Variants in EHMT1 observed in about 807,000 individuals in gnomAD.
EHMT1 encodes euchromatic histone lysine methyltransferase 1.
A neutral mutation model predicts 147.2 loss-of-function variants in EHMT1; 15 were observed. The observed-to-expected ratio is 0.10, with a 90% CI of 0.07 to 0.16. EHMT1 has a LOEUF of 0.16. Ranked by LOEUF, EHMT1 falls within the 10% of genes least tolerant of loss-of-function variation. EHMT1 has a pLI of 1.00. For synonymous variants in EHMT1, 795 were observed against 709.6 expected, an observed-to-expected ratio of 1.12 and a Z score of -1.91; for missense variants, 1,587 against 1,772.4, an observed-to-expected ratio of 0.90 and a Z score of 1.88.
chr9:137,702,806 A>G (rs1038258545), intron 1 of EHMT1, among the ~76,000 whole-genome samples: 1 of 152,184 alleles, frequency 6.6e-6, no homozygotes, highest in Admixed American at 6.5e-5. Flanking sequence ...CCCCTGCAGG[A>G]AGCTTCTGTC....
intron 1 of EHMT1, among the ~76,000 whole-genome samples, chr9:137,672,905 C>T (rs1216553077): frequency 1.3e-5 from 2 of 152,306 alleles, no homozygotes; most frequent in Non-Finnish European, 2.9e-5. Context: ...CTACCAGGAA[C>T]TTTACCGATT....
At chr9:137,690,439 T>A (rs1009178347) in intron 1 of EHMT1, among the ~76,000 whole-genome samples, 2 of 148,828 alleles carry the variant, frequency 1.3e-5, no homozygotes, top group Non-Finnish European at 3.0e-5. Context: ...AGCCCAGGAG[T>A]TCAAGACTGC....
intron 1 of EHMT1, among the ~76,000 whole-genome samples, chr9:137,655,417 A>G (rs887897172): frequency 6.6e-6 from 1 of 152,328 alleles, no homozygotes; most frequent in East Asian, 1.9e-4. Context: ...GTTACCCATG[A>G]AAGGACCCAG....
intron 1 of EHMT1, among the ~76,000 whole-genome samples, chr9:137,669,858 A>T (rs1940342229): frequency 6.6e-6 from 1 of 151,988 alleles, no homozygotes; most frequent in African/African-American, 2.4e-5. Flanking sequence ...TGGGCCAAAA[A>T]GATTTTTTTG....
At chr9:137,690,135 A>G (rs1219452255) in intron 1 of EHMT1, among the ~76,000 whole-genome samples, 1 of 152,136 alleles carries the variant, frequency 6.6e-6, no homozygotes, top group East Asian at 1.9e-4. Context: ...GAGAGATGAG[A>G]TGGCAGGCAG....
Position 137,815,981 on chromosome 9 carries a change from A to C in EHMT1, c.3293A>C (p.Glu1098Ala), listed in dbSNP as rs1423930933. Residue 1098 changes from glutamate to alanine, a missense_variant, in exon 23 of 27, where the codon GAG becomes GCG. By Grantham distance (107) the Glu-to-Ala change is moderately radical. This residue lies in a region of EHMT1 where 156 missense variants were observed against 252.5 expected (regional missense o/e 0.62). Coordinates refer to ENST00000460843, the MANE Select transcript of EHMT1 (RefSeq NM_024757.5). ...CTCCTGCCAGAGTTCAACATGGCGG[A>C]GCCTCCCTTGATCTTCGAATGCAAC... ...GRLLPEFNMA[E>A]PPLIFECNHA... 6.2e-7 allele frequency: 1 copy of C among 1,611,698 alleles called. No homozygotes were observed. Among genetic ancestry groups the C allele is most frequent in the Non-Finnish European group, 8.5e-7 (1 of 1,178,934 alleles).
chr9:137,798,053 C>G (rs1332105835), intron 16 of EHMT1, among the ~76,000 whole-genome samples: 1 of 152,188 alleles, frequency 6.6e-6, no homozygotes, highest in African/African-American at 2.4e-5. Context: ...TTGGTCTCCT[C>G]AGGGAAACAG....
At chr9:137,756,687 TA>T (rs1446197924) in intron 8 of EHMT1, among the ~76,000 whole-genome samples, 3 of 152,254 alleles carry the variant, frequency 2.0e-5, no homozygotes, top group African/African-American at 7.2e-5. Flanking sequence ...GAGCCAAGAC[TA>T]AAAGTTGTTT....
At chr9:137,803,274 G>C in intron 18 of EHMT1, 1 of 1,023,944 alleles carries the variant, frequency 9.8e-7, no homozygotes, top group Non-Finnish European at 1.2e-6. Context: ...GTACACACTT[G>C]GGTGAATTTT....
In EHMT1 at chr9:137,815,973, C is replaced by T. The variant is rs1300802060; in HGVS notation, c.3285C>T (p.Asn1095=). 1 of 1,610,740 alleles carries T rather than the reference C, an allele frequency of 6.2e-7. No homozygotes were observed. Among genetic ancestry groups the T allele is most frequent in the Non-Finnish European group, 8.5e-7 (1 of 1,178,556 alleles). Reference sequence around the variant, plus strand: ...ATGGCCGGCTCCTGCCAGAGTTCAACATGGCGGAGCCTCCCTTGATCTTCG... The same window carrying T: ...ATGGCCGGCTCCTGCCAGAGTTCAATATGGCGGAGCCTCCCTTGATCTTCG... ...DKDGRLLPEF[N]MAEPPLIFEC... Residue 1095 remains asparagine, a synonymous_variant, in exon 23 of 27, where the codon AAC becomes AAT. Transcript: ENST00000460843.
chr9:137,652,879 C>T (rs1254311371), intron 1 of EHMT1, among the ~76,000 whole-genome samples: 1 of 151,962 alleles, frequency 6.6e-6, no homozygotes, highest in African/African-American at 2.4e-5. Flanking sequence ...ACACCTGCCA[C>T]CACACCTGGC....
chr9:137,726,076 AG>A, intron 3 of EHMT1, among the ~76,000 whole-genome samples: 2 of 144,698 alleles, frequency 1.4e-5, no homozygotes, highest in South Asian at 4.4e-4. Flanking sequence ...TAGTTGATGC[AG>A]GTGCCTTGTC....
chr9:137,719,702 A>G (rs1390915714), intron 3 of EHMT1, among the ~76,000 whole-genome samples: 1 of 152,192 alleles, frequency 6.6e-6, no homozygotes, highest in Non-Finnish European at 1.5e-5. Flanking sequence ...GACATTGGTA[A>G]AGTCCGTGGG....
chr9:137,776,925 C>T lies in EHMT1; in HGVS notation c.2018+81C>T. 7.4e-7 allele frequency: 1 copy of T among 1,350,538 alleles called. No homozygotes were observed. The highest frequency in any genetic ancestry group is 1.0e-6 in the Non-Finnish European group (1 of 966,428). 83.7% of individuals were successfully genotyped at this position (1,350,538 alleles called of 1,614,324 possible). On this transcript the variant is annotated intron_variant, in intron 12 of 26. Transcript: ENST00000460843. This position sits in a 1 kb window ranked among gnomAD's most constrained non-coding sequence, Gnocchi z 4.4. ...GTTGTTAACTCAACGTTATTGCTTC[C>T]TGCTGTTTTTTCCAGAAGTCTCTGA... is the stretch of plus-strand genomic sequence containing the variant.
At chr9:137,727,549 T>C (rs1290934955) in intron 3 of EHMT1, among the ~76,000 whole-genome samples, 1 of 152,268 alleles carries the variant, frequency 6.6e-6, no homozygotes, top group Non-Finnish European at 1.5e-5. Context: ...AAGAATGCCC[T>C]GTCGTTTAAC....
In EHMT1 at chr9:137,835,172, C is replaced by T. The variant is rs968363492; in HGVS notation, c.*219C>T. 1.7e-5 allele frequency: 8 copies of T among 458,072 alleles called. No homozygotes were observed. Among genetic ancestry groups the T allele is most frequent in the Non-Finnish European group, 2.9e-5 (8 of 274,548 alleles). 28.4% of individuals were successfully genotyped at this position (458,072 alleles called of 1,614,324 possible). ...GCGGCCTCACCGCGGGCCCAGTGCC[C>T]AGGCTGGAGCGCACACTTTGGTCCG... On this transcript the variant is annotated 3_prime_UTR_variant, in exon 27 of 27. Coordinates refer to ENST00000460843, the MANE Select transcript of EHMT1 (RefSeq NM_024757.5).
intron 3 of EHMT1, chr9:137,717,415 C>T (rs908381318): frequency 2.9e-5 from 18 of 629,670 alleles, no homozygotes; most frequent in Non-Finnish European, 4.4e-5. Context: ...CCAGCCTGGG[C>T]AGCGTGGCGA....
rs1030271393 is a variant in EHMT1 at position 137,715,735 on chromosome 9, G to A, written c.86-891G>A. On this transcript the variant is annotated intron_variant, in intron 2 of 26. Coordinates refer to ENST00000460843, the MANE Select transcript of EHMT1 (RefSeq NM_024757.5). ...CGGAGAGTGAGCCTCTGTAGGGAGTGGAGAGCAGACCACGGATGTGCTCCA... is the reference window on the plus strand; with the variant it reads ...CGGAGAGTGAGCCTCTGTAGGGAGTAGAGAGCAGACCACGGATGTGCTCCA... 5 of 985,300 alleles carry A rather than the reference G, an allele frequency of 5.1e-6. No homozygotes were observed. The Middle Eastern group carries it at 1.5e-3, about 305-fold the overall frequency. 61.0% of individuals were successfully genotyped at this position (985,300 alleles called of 1,614,324 possible). A position where few individuals can be genotyped will look rare whatever the true frequency, so the allele number is the denominator to read the frequency against.
At chr9:137,754,809 G>A (rs1259822111) in intron 8 of EHMT1, among the ~76,000 whole-genome samples, 5 of 152,300 alleles carry the variant, frequency 3.3e-5, no homozygotes, top group Middle Eastern at 3.4e-3. Context: ...GAGCCACTGC[G>A]CCCGGCCCCA....
Sources: gnomAD v4.1 joint callset for allele counts (sites outside exome capture counted in the v4.1 genomes callset) on GRCh38, gnomAD v4.1.1 for gene constraint, gnomAD v4.1.1 regional missense constraint, Gnocchi (gnomAD v3.1) non-coding constraint, MANE v1.5 for transcripts, NCBI Gene and HGNC (gene_info 2026-07-23, HGNC 2026-07-21) for gene names.